The following CLEC5A variants were observed in gnomAD, a reference collection of about 807,000 sequenced individuals.
The protein encoded by CLEC5A is C-type lectin domain family 5 member A.
CLEC5A carries 15 observed loss-of-function variants against 24.4 expected under a neutral mutation model. The ratio of observed to expected loss-of-function variants is 0.62; its 90% CI spans 0.41 to 0.95. The LOEUF is 0.95. Among genes scored for constraint, CLEC5A ranks in the 40% least tolerant of loss-of-function variants. The pLI, the probability that CLEC5A is intolerant of heterozygous loss-of-function variation, is 0.00. For synonymous variants in CLEC5A, 71 were observed against 72.6 expected, an observed-to-expected ratio of 0.98 and a Z score of 0.11; for missense variants, 211 against 224.0, an observed-to-expected ratio of 0.94 and a Z score of 0.37.
intron 5 of CLEC5A, among the ~76,000 whole-genome samples, chr7:141,932,486 G>A (rs1218730855): frequency 6.6e-6 from 1 of 152,134 alleles, no homozygotes; most frequent in Admixed American, 6.5e-5. Flanking sequence ...TGTCACATAC[G>A]TCCCATAATC....
intron 4 of CLEC5A, among the ~76,000 whole-genome samples, chr7:141,937,073 T>C (rs1229404174): frequency 6.6e-6 from 1 of 151,900 alleles, no homozygotes; most frequent in East Asian, 1.9e-4. Flanking sequence ...GGTAGTATGT[T>C]ATGGGCCTTG....
At chr7:141,930,339 T>A in intron 6 of CLEC5A, 121 bp from the exon 7 acceptor site, 1 of 723,916 alleles carries the variant, frequency 1.4e-6, no homozygotes, top group Non-Finnish European at 2.3e-6. Context: ...GAGTTTTGCC[T>A]GGAAGGGCAG....
Position 141,942,889 on chromosome 7 carries a change from C to T in CLEC5A, c.208+1007G>A, listed in dbSNP as rs112566343. 4.3e-3 allele frequency among the ~76,000 whole-genome samples: 660 copies of T among 152,230 alleles called. 5 individuals are homozygous for T. Among genetic ancestry groups the T allele is most frequent in the African/African-American group, 0.015 (634 of 41,544 alleles). ...AAACTACCGTGAGATATCATCTCAA[C>T]CCAGTTAAAATGGCTTTTATCCAAA... On this transcript the variant is annotated intron_variant, in intron 4 of 6. Transcript: ENST00000546910.
intron 4 of CLEC5A, among the ~76,000 whole-genome samples, chr7:141,939,068 A>T (rs553553916): frequency 7.0e-4 from 106 of 152,328 alleles, no homozygotes; most frequent in Non-Finnish European, 1.2e-3. Flanking sequence ...ATAAGAAATC[A>T]TCTGAATATA....
intron 5 of CLEC5A, among the ~76,000 whole-genome samples, chr7:141,935,161 A>T (rs953321080): frequency 3.3e-5 from 5 of 152,228 alleles, no homozygotes; most frequent in African/African-American, 9.6e-5. Flanking sequence ...AAAGGGATAG[A>T]AGCGAGAGAA....
At chr7:141,938,107 C>CA (rs1293082226) in intron 4 of CLEC5A, among the ~76,000 whole-genome samples, 1 of 152,166 alleles carries the variant, frequency 6.6e-6, no homozygotes, top group African/African-American at 2.4e-5. Context: ...CTTCTATGCC[C>CA]AGACACTGAT....
chr7:141,946,190 G>T (rs1554442120), intron 2 of CLEC5A, 24 bp downstream of exon 2: 1 of 1,552,494 alleles, frequency 6.4e-7, no homozygotes, highest in Non-Finnish European at 8.7e-7. Flanking sequence ...GAAGTCTGGG[G>T]CAAGAGGTTG....
At chr7:141,943,988 G>A (rs1323164550) in intron 3 of CLEC5A, 24 bp from the exon 4 acceptor site, 1 of 1,450,538 alleles carries the variant, frequency 6.9e-7, no homozygotes, top group Non-Finnish European at 9.7e-7. Context: ...TAAACCTAAA[G>A]GTTATGGTAT....
chr7:141,938,259 T>G (rs963946473), intron 4 of CLEC5A, among the ~76,000 whole-genome samples: 1 of 151,978 alleles, frequency 6.6e-6, no homozygotes, highest in Non-Finnish European at 1.5e-5. Context: ...TTGAGGAAAC[T>G]CAAAGAAATT....
chr7:141,934,622 T>TTTTTG lies in CLEC5A; in HGVS notation c.345+1191_345+1192insCAAAA, dbSNP rs1183081108. On this transcript the variant is annotated intron_variant, in intron 5 of 6. Coordinates refer to ENST00000546910, the MANE Select transcript of CLEC5A (RefSeq NM_013252.3). ...TGTCTTTTTCTTTAACGTTTTTTTT[T>TTTTTG]TTTTTTTTTTTTTTTTTTTTTGAGA... is the stretch of plus-strand genomic sequence containing the variant. Among the ~76,000 whole-genome samples the TTTTTG allele has an allele frequency of 1.9e-3, 230 of 122,544 alleles. 2 individuals carry two copies. Among genetic ancestry groups the TTTTTG allele is most frequent in the East Asian group, 0.017 (70 of 4,134 alleles). The allele number at this position is 122,544 out of a possible 152,430, so 80.4% of individuals were successfully genotyped here.
intron 2 of CLEC5A, chr7:141,945,678 C>G: frequency 2.1e-6 from 1 of 475,256 alleles, no homozygotes; most frequent in Non-Finnish European, 3.8e-6. Flanking sequence ...CGTTTCCTTC[C>G]TCATTTATTT....
intron 6 of CLEC5A, among the ~76,000 whole-genome samples, chr7:141,930,463 C>T (rs1167616413): frequency 2.6e-5 from 4 of 152,314 alleles, no homozygotes; most frequent in Middle Eastern, 3.4e-3. Context: ...CCTGTCAGCT[C>T]TCCTGTGAGC....
chr7:141,946,694 C>A, intron 1 of CLEC5A, 113 bp downstream of exon 1: 1 of 166,258 alleles, frequency 6.0e-6, no homozygotes, highest in Non-Finnish European at 1.3e-5. Context: ...CTTAAGTTGT[C>A]AGAAGCCTCA....
chr7:141,939,735 T>TA (rs1554441458), intron 4 of CLEC5A, among the ~76,000 whole-genome samples: 2 of 151,764 alleles, frequency 1.3e-5, no homozygotes, highest in East Asian at 3.9e-4. Flanking sequence ...AATGAAGGGA[T>TA]AAAAAGAGAC....
At chr7:141,945,218 G>T in intron 3 of CLEC5A, 123 bp downstream of exon 3, 1 of 796,820 alleles carries the variant, frequency 1.3e-6, no homozygotes, top group Admixed American at 1.8e-5. Flanking sequence ...TTAATTAGAA[G>T]ATCTTTATGG....
intron 5 of CLEC5A, among the ~76,000 whole-genome samples, chr7:141,933,838 A>G (rs77234190): frequency 6.6e-6 from 1 of 151,876 alleles, no homozygotes; most frequent in African/African-American, 2.4e-5. Flanking sequence ...GCATGCATTC[A>G]TGCCCAGAGG....
At chr7:141,935,988 G>A in intron 4 of CLEC5A, 38 bp from the exon 5 acceptor site, 2 of 1,594,698 alleles carry the variant, frequency 1.3e-6, no homozygotes, top group Non-Finnish European at 8.6e-7. Flanking sequence ...GAGTTTACTG[G>A]TTTGGGTTAT....
At chr7:141,942,013 C>A (rs1203760344) in intron 4 of CLEC5A, among the ~76,000 whole-genome samples, 3 of 151,896 alleles carry the variant, frequency 2.0e-5, no homozygotes, top group Non-Finnish European at 4.4e-5. Flanking sequence ...TCAAAGCAAT[C>A]TACAGATTTA....
intron 4 of CLEC5A, 143 bp from the exon 5 acceptor site, chr7:141,936,093 T>C (rs1802615511): frequency 1.4e-6 from 1 of 708,298 alleles, no homozygotes; most frequent in East Asian, 2.7e-5. Flanking sequence ...AGGAAGAAAT[T>C]CCACCCAGTC....
Sources: allele counts gnomAD v4.1 joint callset (sites outside exome capture counted in the v4.1 genomes callset), GRCh38; gene constraint gnomAD v4.1.1; transcripts MANE v1.5; gene names NCBI Gene and HGNC (gene_info 2026-07-23, HGNC 2026-07-21).